The following IKZF2 variants were observed in gnomAD, a reference collection of about 807,000 sequenced individuals.
IKZF2 encodes the protein IKAROS family zinc finger 2, also known as zinc finger protein Helios.
IKZF2 carries 15 observed loss-of-function variants against 49.2 expected under a neutral mutation model. The observed-to-expected ratio is 0.30, with a 90% CI of 0.20 to 0.47. The LOEUF is 0.47. Among genes scored for constraint, IKZF2 ranks in the 20% least tolerant of loss-of-function variants. IKZF2 has a pLI of 1.00. For synonymous variants in IKZF2, 227 were observed against 221.4 expected (o/e 1.03, Z -0.23); for missense variants, 567 against 664.6 (o/e 0.85, Z 1.61).
chr2:213,104,395 T>C (rs1574857229), intron 4 of IKZF2, among the ~76,000 whole-genome samples: 1 of 152,180 alleles, frequency 6.6e-6, no homozygotes, highest in East Asian at 1.9e-4. Context: ...CTAACTCGCC[T>C]ATGTTCCCCA....
At chr2:213,129,995 T>C (rs1156865531) in intron 4 of IKZF2, among the ~76,000 whole-genome samples, 2 of 152,158 alleles carry the variant, frequency 1.3e-5, no homozygotes, top group African/African-American at 4.8e-5. Context: ...GACCTGTACA[T>C]AAAGATATAC....
intron 8 of IKZF2, among the ~76,000 whole-genome samples, chr2:213,008,638 ATTGAGT>A (rs1210821558): frequency 6.6e-6 from 1 of 152,126 alleles, no homozygotes; most frequent in Non-Finnish European, 1.5e-5. Context: ...GAAAGATATG[ATTGAGT>A]TTATCATATT....
At chr2:213,117,399 G>A (rs907668453) in intron 4 of IKZF2, among the ~76,000 whole-genome samples, 2 of 152,178 alleles carry the variant, frequency 1.3e-5, no homozygotes, top group African/African-American at 4.8e-5. Flanking sequence ...AGAGGAATGA[G>A]GCATGGAGAG....
rs1426020592 is a variant in IKZF2 at position 213,040,226 on chromosome 2, G to A, written c.574+9487C>T. ...GTACATGTGCAGGTTTGTTATATAG[G>A]TAAACTTGTGTCATGGGTTTTTTTT... On this transcript the variant is annotated intron_variant, in intron 6 of 8. Coordinates refer to ENST00000434687, the MANE Select transcript of IKZF2 (RefSeq NM_001387220.1). 2.1e-5 allele frequency among the ~76,000 whole-genome samples: 3 copies of A among 142,284 alleles called. No homozygotes were observed. The East Asian group carries it at 6.4e-4, about 30-fold the overall frequency. The allele number at this position is 142,284 out of a possible 152,430, so 93.3% of individuals were successfully genotyped here. A position where few individuals can be genotyped will look rare whatever the true frequency, so the allele number is the denominator to read the frequency against.
chr2:213,080,417 GGAAA>G (rs1357448863), intron 4 of IKZF2, among the ~76,000 whole-genome samples: 2 of 152,068 alleles, frequency 1.3e-5, no homozygotes, highest in African/African-American at 4.8e-5. Context: ...CAACATTAAA[GGAAA>G]GAGAAAACGA....
At chr2:213,045,702 G>A (rs771994953) in intron 6 of IKZF2, among the ~76,000 whole-genome samples, 3 of 152,192 alleles carry the variant, frequency 2.0e-5, no homozygotes, top group Non-Finnish European at 2.9e-5. Context: ...ACAGGCCACT[G>A]ATCTGTGCAT....
intron 6 of IKZF2, among the ~76,000 whole-genome samples, chr2:213,030,816 T>C (rs910960223): frequency 6.7e-6 from 1 of 150,022 alleles, no homozygotes; most frequent in Non-Finnish European, 1.5e-5. Context: ...ATTTTTCTTT[T>C]TTTTTTTTTT....
chr2:213,130,736 T>C (rs942279057), intron 4 of IKZF2, among the ~76,000 whole-genome samples: 4 of 152,210 alleles, frequency 2.6e-5, no homozygotes, highest in African/African-American at 7.2e-5. Flanking sequence ...TAGGATTAAG[T>C]ACATTGCTTT....
At chr2:213,122,836 AC>A (rs1310593555) in intron 4 of IKZF2, among the ~76,000 whole-genome samples, 11 of 152,164 alleles carry the variant, frequency 7.2e-5, no homozygotes, top group African/African-American at 2.4e-4. Context: ...GTGACCTGGA[AC>A]ACGTGATATT....
In IKZF2 at chr2:213,003,905, T is replaced by C. The variant is rs2124963983; in HGVS notation, c.*3455A>G. On this transcript the variant is annotated 3_prime_UTR_variant, in exon 9 of 9. Coordinates refer to ENST00000434687, the MANE Select transcript of IKZF2 (RefSeq NM_001387220.1). The stretch of plus-strand genomic sequence containing the variant: ...TACATTAAATATCTTTGAATGTATA[T>C]CCAATCAGCTTAATCATTGTTTGTT... The C allele has an allele frequency of 6.6e-6, 1 of 151,954 alleles. No homozygotes were observed. The highest frequency in any genetic ancestry group is 3.4e-3 in the Middle Eastern group (1 of 294). 9.4% of individuals were successfully genotyped at this position (151,954 alleles called of 1,614,324 possible).
chr2:213,151,855 G>A (rs571160788), upstream of IKZF2, among the ~76,000 whole-genome samples: 647 of 150,068 alleles, frequency 4.3e-3, 9 homozygotes, highest in South Asian at 0.032. Flanking sequence ...GAGAGCGCGT[G>A]TGCGCGCGCG....
rs1225399847 is a variant in IKZF2, at chr2:213,006,347, TC to T, written c.*1012del. ...AGAAAAGGGATTTCTAAGTGGGTTT[TC>T]TCCCCCTACTGTTAGCATAATTATA... On this transcript the variant is annotated 3_prime_UTR_variant, in exon 9 of 9. Coordinates refer to ENST00000434687, the MANE Select transcript of IKZF2 (RefSeq NM_001387220.1). 1.3e-5 allele frequency: 2 copies of T among 152,482 alleles called. No individual in the cohort carries two copies. Among genetic ancestry groups the T allele is most frequent in the East Asian group, 3.9e-4 (2 of 5,180 alleles). 9.4% of individuals were successfully genotyped at this position (152,482 alleles called of 1,614,324 possible). A position where few individuals can be genotyped will look rare whatever the true frequency, so the allele number is the denominator to read the frequency against.
At chr2:213,012,575 T>C (rs925516739) in intron 8 of IKZF2, among the ~76,000 whole-genome samples, 1 of 151,970 alleles carries the variant, frequency 6.6e-6, no homozygotes, top group East Asian at 1.9e-4. Context: ...CCTTTGTGTA[T>C]AACTCAGGGG....
intron 2 of IKZF2, among the ~76,000 whole-genome samples, chr2:213,149,779 C>CA (rs1418382046): frequency 4.1e-5 from 5 of 122,170 alleles, no homozygotes; most frequent in African/African-American, 9.5e-5. Context: ...ACTCCCTTAC[C>CA]CCCCCCCCAA....
At chr2:213,096,874 G>C (rs1706056867) in intron 4 of IKZF2, among the ~76,000 whole-genome samples, 1 of 151,974 alleles carries the variant, frequency 6.6e-6, no homozygotes, top group Admixed American at 6.6e-5. Flanking sequence ...CAATGTTATT[G>C]ATGTTAAACA....
intron 4 of IKZF2, among the ~76,000 whole-genome samples, chr2:213,146,653 T>A (rs546097121): frequency 2.0e-5 from 3 of 150,216 alleles, no homozygotes; most frequent in African/African-American, 4.9e-5. Flanking sequence ...TTTCGAGAGC[T>A]GTTAGAAGTA....
intron 1 of IKZF2, chr2:213,150,472 C>CTCCTCG (rs1348274209): frequency 1.5e-5 from 4 of 271,620 alleles, no homozygotes; most frequent in South Asian, 3.8e-5. Flanking sequence ...CCTCCTCCTC[C>CTCCTCG]TCCTCGTCCT....
Position 213,060,252 on chromosome 2 carries a change from C to G in IKZF2, c.140-3153G>C, listed in dbSNP as rs1404128865. 1.3e-5 allele frequency among the ~76,000 whole-genome samples: 2 copies of G among 151,182 alleles called. 1 individual carries two copies. The highest frequency in any genetic ancestry group is 4.8e-5 in the African/African-American group (2 of 41,344). On this transcript the variant is annotated intron_variant, in intron 4 of 8. Transcript: ENST00000434687. ...TAAGATGTTTGCAATTAATGTAGAA[C>G]ACCTAATATTTTAACTTATTAATGA...
intron 4 of IKZF2, among the ~76,000 whole-genome samples, chr2:213,115,199 T>C (rs1355282385): frequency 6.6e-6 from 1 of 152,234 alleles, no homozygotes; most frequent in African/African-American, 2.4e-5. Flanking sequence ...ATACGTTTAC[T>C]GAAGTTTTAA....
Sources: gnomAD v4.1 joint callset for allele counts (sites outside exome capture counted in the v4.1 genomes callset) on GRCh38, gnomAD v4.1.1 for gene constraint, MANE v1.5 for transcripts, NCBI Gene and HGNC (gene_info 2026-07-23, HGNC 2026-07-21) for gene names.